Variants in NRP1 observed in about 807,000 individuals in gnomAD.
NRP1 encodes neuropilin-1.
NRP1 carries 35 observed loss-of-function variants against 106.7 expected under a neutral mutation model. The observed-to-expected ratio is 0.33, with a 90% CI of 0.25 to 0.43. The LOEUF (loss-of-function observed/expected upper bound fraction) is 0.43, where lower values mean the gene tolerates loss of function less well. NRP1 is among the 20% of genes least tolerant of loss of function. The probability of loss-of-function intolerance (pLI) is 1.00; values close to 1 mark genes in which losing one functional copy is unlikely to be tolerated. For synonymous variants in NRP1, 437 were observed against 417.9 expected, an observed-to-expected ratio of 1.05 and a Z score of -0.56; for missense variants, 1,024 against 1,170.4, an observed-to-expected ratio of 0.87 and a Z score of 1.83.
chr10:33,185,695 T>C lies in NRP1; in HGVS notation c.2364A>G (p.Gly788=), dbSNP rs780345864. The stretch of plus-strand genomic sequence containing the variant: ...CATCCACAGCAATCCCACCAAGGTT[T>C]CCTTTTCCGATTTCGCCCTCGAAAA... The part of the protein sequence containing the change: ...QVIFEGEIGK[G]NLGGIAVDDI... The change falls in exon 15 of 17, where the codon GGA becomes GGG. Residue 788 remains glycine (G), a synonymous_variant. Transcript: ENST00000374867. 1 of 1,614,178 alleles carries C rather than the reference T, an allele frequency of 6.2e-7. No individual in the cohort carries two copies. The highest frequency in any genetic ancestry group is 8.5e-7 in the Non-Finnish European group (1 of 1,180,000).
chr10:33,263,201 T>G lies in NRP1; in HGVS notation c.658+445A>C, dbSNP rs546161455. 2.6e-5 allele frequency among the ~76,000 whole-genome samples: 4 copies of G among 152,342 alleles called. No homozygotes were observed. In the East Asian group the frequency reaches 7.7e-4, roughly 29 times the overall value. On this transcript the variant is annotated intron_variant, in intron 4 of 16. Coordinates refer to ENST00000374867, the MANE Select transcript of NRP1 (RefSeq NM_003873.7). The stretch of plus-strand genomic sequence containing the variant: ...GGATGCATAGTTTAGCCTTAAAATT[T>G]TATTAAGTACTCAACCTCTCAGGTC...
At chr10:33,186,614 A>G (rs1836025010) in intron 13 of NRP1, 126 bp from the exon 14 acceptor site, 2 of 1,133,570 alleles carry the variant, frequency 1.8e-6, no homozygotes. Context: ...TACGTAGTGG[A>G]AAGGGATAAG....
intron 2 of NRP1, 30 bp downstream of exon 2, chr10:33,330,678 G>A (rs1375075377): frequency 1.0e-5 from 16 of 1,593,490 alleles, no homozygotes; most frequent in South Asian, 5.7e-5. Context: ...ATGGTGCTGT[G>A]GTGCCCTGTT....
chr10:33,208,699 G>T (rs563897811), intron 9 of NRP1, among the ~76,000 whole-genome samples: 1 of 152,134 alleles, frequency 6.6e-6, no homozygotes, highest in Admixed American at 6.5e-5. Context: ...GTAAGGCATT[G>T]TTCTAACTGC....
intron 2 of NRP1, among the ~76,000 whole-genome samples, chr10:33,325,900 G>A (rs1260710339): frequency 1.3e-5 from 2 of 152,196 alleles, no homozygotes; most frequent in African/African-American, 4.8e-5. Context: ...AAACAGCACT[G>A]TCAAATCAGA....
In NRP1 at chr10:33,280,876, C is replaced by T. The variant is rs112490776; in HGVS notation, c.249-10020G>A. On this transcript the variant is annotated intron_variant, in intron 2 of 16. Transcript: ENST00000374867. ...ACACGCCTGTAGTCCTAGCTACTTG[C>T]GGGGCTGAGGCAGGAGGATCACTTG... Among the ~76,000 whole-genome samples the T allele has an allele frequency of 6.0e-5, 9 of 151,114 alleles. No homozygotes were observed. The South Asian group carries it at 1.3e-3, about 21-fold the overall frequency.
At chr10:33,241,432 T>C (rs991377090) in intron 6 of NRP1, among the ~76,000 whole-genome samples, 1 of 151,988 alleles carries the variant, frequency 6.6e-6, no homozygotes, top group Non-Finnish European at 1.5e-5. Context: ...CTTTAAACCA[T>C]AGGAGGACAA....
At chr10:33,207,487 T>A in intron 10 of NRP1, 85 bp downstream of exon 10, 1 of 1,472,914 alleles carries the variant, frequency 6.8e-7, no homozygotes, top group Non-Finnish European at 9.3e-7. Flanking sequence ...GGGTAGGCAA[T>A]TTGCAAAGGC....
chr10:33,295,248 A>C (rs1845304673), intron 2 of NRP1, among the ~76,000 whole-genome samples: 1 of 152,150 alleles, frequency 6.6e-6, no homozygotes, highest in Admixed American at 6.5e-5. Flanking sequence ...GTGGTGGGAG[A>C]GGTGAGCCAT....
chr10:33,199,049 A>T (rs1402398846), intron 11 of NRP1, among the ~76,000 whole-genome samples: 1 of 151,804 alleles, frequency 6.6e-6, no homozygotes. Flanking sequence ...CCCATTTCCC[A>T]CTGTTCATCA....
chr10:33,321,240 C>A (rs1847484181), intron 2 of NRP1, among the ~76,000 whole-genome samples: 1 of 152,186 alleles, frequency 6.6e-6, no homozygotes, highest in Admixed American at 6.5e-5. Flanking sequence ...CTTGCCTTGG[C>A]CTCGCAAAAT....
intron 2 of NRP1, among the ~76,000 whole-genome samples, chr10:33,308,636 A>G (rs1412580127): frequency 6.6e-6 from 1 of 151,830 alleles, no homozygotes; most frequent in East Asian, 1.9e-4. Flanking sequence ...ATGGGCATGC[A>G]TCACTATGTC....
At chr10:33,296,614 A>G (rs1845404969) in intron 2 of NRP1, among the ~76,000 whole-genome samples, 1 of 152,128 alleles carries the variant, frequency 6.6e-6, no homozygotes, top group Non-Finnish European at 1.5e-5. Flanking sequence ...GGAAAAGGTA[A>G]TTTGGCAGCT....
chr10:33,282,243 A>C (rs1430075225), intron 2 of NRP1, among the ~76,000 whole-genome samples: 2 of 152,178 alleles, frequency 1.3e-5, no homozygotes, highest in Non-Finnish European at 2.9e-5. Flanking sequence ...TTTGCTCAAA[A>C]AGCCCCCTTA....
chr10:33,185,643 G>T lies in NRP1; in HGVS notation c.2416C>A (p.Gln806Lys). The T allele has an allele frequency of 6.2e-7, 1 of 1,613,438 alleles. No homozygotes were observed. The highest frequency in any genetic ancestry group is 8.5e-7 in the Non-Finnish European group (1 of 1,179,398). Residue 806 changes from glutamine (Q) to lysine (K), a missense_variant, in exon 15 of 17, where the codon CAA becomes AAA. By Grantham distance (53) the Gln-to-Lys change is moderately conservative (BLOSUM62 1). This residue lies in a region of NRP1 where 164 missense variants were observed against 161.4 expected (regional missense o/e 1.02). Transcript: ENST00000374867. ...TCATACTTACTTGCACAATCTTCTTGTGAAATGTGGTTATTAATACTAATG... is the reference window on the plus strand; with the variant it reads ...TCATACTTACTTGCACAATCTTCTTTTGAAATGTGGTTATTAATACTAATG... ...DDISINNHIS[Q>K]EDCAKPADLD...
intron 8 of NRP1, 81 bp downstream of exon 8, chr10:33,221,638 C>A: frequency 7.2e-7 from 1 of 1,386,044 alleles, no homozygotes. Flanking sequence ...ACTTATTTAC[C>A]CTGTATTTAA....
chr10:33,313,428 A>G (rs1846754806), intron 2 of NRP1, among the ~76,000 whole-genome samples: 1 of 152,172 alleles, frequency 6.6e-6, no homozygotes, highest in South Asian at 2.1e-4. Flanking sequence ...GACATCTCTG[A>G]TTATTACACA....
chr10:33,187,536 AC>A (rs1329167823), intron 13 of NRP1, among the ~76,000 whole-genome samples: 3 of 152,156 alleles, frequency 2.0e-5, no homozygotes, highest in Non-Finnish European at 4.4e-5. Context: ...GTTCATTAGA[AC>A]GTGCCATTTT....
At chr10:33,199,222 A>G (rs1837028447) in intron 11 of NRP1, among the ~76,000 whole-genome samples, 1 of 151,052 alleles carries the variant, frequency 6.6e-6, no homozygotes, top group African/African-American at 2.4e-5. Context: ...TTTTTGAGAC[A>G]GAGTCTTGCT....
Sources: gnomAD v4.1 joint callset for allele counts (sites outside exome capture counted in the v4.1 genomes callset) on GRCh38, gnomAD v4.1.1 for gene constraint, gnomAD v4.1.1 regional missense constraint, MANE v1.5 for transcripts, NCBI Gene and HGNC (gene_info 2026-07-23, HGNC 2026-07-21) for gene names.